The following ULK2 variants were observed in gnomAD, a reference collection of about 807,000 sequenced individuals.
The protein encoded by ULK2 is unc-51 like autophagy activating kinase 2.
ULK2 carries 76 observed loss-of-function variants against 127.5 expected under a neutral mutation model. The ratio of observed to expected loss-of-function variants is 0.60; its 90% CI spans 0.50 to 0.72. The LOEUF is 0.72. Ranked by LOEUF, ULK2 falls within the 30% of genes least tolerant of loss-of-function variation. ULK2 has a pLI of 0.00. For synonymous variants in ULK2, 452 were observed against 461.9 expected (o/e 0.98, Z 0.28); for missense variants, 1,144 against 1,295.9 (o/e 0.88, Z 1.80).
chr17:19,793,064 TCA>T (rs1453992003), intron 20 of ULK2, among the ~76,000 whole-genome samples: 3 of 152,290 alleles, frequency 2.0e-5, no homozygotes, highest in South Asian at 4.1e-4. Context: ...TTTAATTGAC[TCA>T]CAGTTAAGAA....
At chr17:19,844,087 T>C (rs185383487) in intron 7 of ULK2, among the ~76,000 whole-genome samples, 4 of 152,294 alleles carry the variant, frequency 2.6e-5, no homozygotes, top group African/African-American at 7.2e-5. Context: ...AATACTTTTA[T>C]AGTAATAGAA....
intron 12 of ULK2, among the ~76,000 whole-genome samples, chr17:19,824,169 G>T (rs553594790): frequency 6.6e-6 from 1 of 152,274 alleles, no homozygotes; most frequent in South Asian, 2.1e-4. Context: ...TCAAGAAATT[G>T]ATGTCTGGGG....
At chr17:19,789,485 T>C (rs189069331) in intron 20 of ULK2, among the ~76,000 whole-genome samples, 1 of 152,228 alleles carries the variant, frequency 6.6e-6, no homozygotes, top group Admixed American at 6.5e-5. Context: ...AACATGTCAA[T>C]GCCCAGACAC....
In ULK2 at chr17:19,801,758, G is replaced by T; in HGVS notation, c.1441+19C>A. On this transcript the variant is annotated intron_variant, in intron 16 of 26. Transcript: ENST00000395544. ...AGTGAAAAAAAGGTTGAAAACAACT[G>T]TTTTTAAACTCTACTTACCCAAAGG... The T allele has an allele frequency of 6.2e-7, 1 of 1,609,110 alleles. No individual in the cohort carries two copies. Among genetic ancestry groups the T allele is most frequent in the African/African-American group, 1.3e-5 (1 of 74,660 alleles).
chr17:19,830,978 G>A (rs1229969504), intron 10 of ULK2, among the ~76,000 whole-genome samples: 3 of 145,590 alleles, frequency 2.1e-5, no homozygotes, highest in African/African-American at 5.1e-5. Flanking sequence ...AGTGAGCCAC[G>A]ATTGCTCCAC....
chr17:19,822,957 A>AT (rs1162395218), intron 12 of ULK2, among the ~76,000 whole-genome samples: 1 of 149,770 alleles, frequency 6.7e-6, no homozygotes, highest in Non-Finnish European at 1.5e-5. Flanking sequence ...AAGTGCTAGG[A>AT]TTACAGGCGT....
intron 12 of ULK2, among the ~76,000 whole-genome samples, chr17:19,821,768 G>A (rs1236621823): frequency 6.6e-6 from 1 of 151,996 alleles, no homozygotes; most frequent in Non-Finnish European, 1.5e-5. Flanking sequence ...TTTGAGACAG[G>A]GTCTCTCTGT....
At chr17:19,804,864 C>G (rs1281603949) in intron 14 of ULK2, 34 bp from the exon 15 acceptor site, 3 of 1,603,774 alleles carry the variant, frequency 1.9e-6, no homozygotes, top group Non-Finnish European at 2.6e-6. Context: ...AGGAAAGAAA[C>G]AGTGGTAGGA....
chr17:19,793,621 G>A (rs1357616730), intron 20 of ULK2, among the ~76,000 whole-genome samples: 2 of 152,136 alleles, frequency 1.3e-5, no homozygotes, highest in African/African-American at 4.8e-5. Context: ...AAGAAGGAGT[G>A]TATAGGGAAA....
intron 12 of ULK2, among the ~76,000 whole-genome samples, chr17:19,818,104 C>T (rs1423914180): frequency 6.6e-6 from 1 of 151,960 alleles, no homozygotes; most frequent in Non-Finnish European, 1.5e-5. Context: ...GGGCAGATCA[C>T]GAGGTCAGGA....
chr17:19,788,531 G>A (rs2087084286), intron 20 of ULK2, among the ~76,000 whole-genome samples: 2 of 151,920 alleles, frequency 1.3e-5, no homozygotes, highest in South Asian at 2.1e-4. Flanking sequence ...CCTGCTGACT[G>A]AAGAGTCCTC....
rs1250919547 is a variant in ULK2 at position 19,826,132 on chromosome 17, TACTC to T, written c.835+3_835+6del. 1 of 1,437,142 alleles carries T rather than the reference TACTC, an allele frequency of 7.0e-7. No individual in the cohort carries two copies. Among genetic ancestry groups the T allele is most frequent in the Non-Finnish European group, 9.2e-7 (1 of 1,081,164 alleles). 89.0% of individuals were successfully genotyped at this position (1,437,142 alleles called of 1,614,324 possible). ...TTTAAGTGAAAATACAAAAAATGGA[TACTC>T]ACATTTTTTTACTGGACCTTGCTCA... is the stretch of plus-strand genomic sequence containing the variant. On this transcript the variant is annotated splice_donor_5th_base_variant and intron_variant, in intron 11 of 26. Coordinates refer to ENST00000395544, the MANE Select transcript of ULK2 (RefSeq NM_014683.4).
At chr17:19,842,427 C>G (rs920682777) in intron 8 of ULK2, among the ~76,000 whole-genome samples, 2 of 151,890 alleles carry the variant, frequency 1.3e-5, no homozygotes, top group Admixed American at 6.6e-5. Context: ...GAACTCCCGA[C>G]CTCAGGTGAT....
rs556962801 is a variant in ULK2, at chr17:19,833,790, T to C, written c.787+4711A>G. ...GAAAAACTCAAAGGAAAAAACAATATGGAAAAATGAACAGACTCAGCTGTG... is the reference window on the plus strand; with the variant it reads ...GAAAAACTCAAAGGAAAAAACAATACGGAAAAATGAACAGACTCAGCTGTG... On this transcript the variant is annotated intron_variant, in intron 10 of 26. Transcript: ENST00000395544. 1.5e-3 allele frequency among the ~76,000 whole-genome samples: 224 copies of C among 151,848 alleles called. 1 individual carries two copies. The highest frequency in any genetic ancestry group is 5.1e-3 in the African/African-American group (212 of 41,402).
intron 10 of ULK2, among the ~76,000 whole-genome samples, chr17:19,829,531 T>C (rs1307002644): frequency 3.2e-5 from 2 of 63,336 alleles, no homozygotes; most frequent in African/African-American, 6.4e-5. Flanking sequence ...GATGAGACCC[T>C]GTCAAGGAAA....
At chr17:19,830,362 A>G (rs1278321172) in intron 10 of ULK2, among the ~76,000 whole-genome samples, 4 of 152,158 alleles carry the variant, frequency 2.6e-5, no homozygotes, top group Admixed American at 1.3e-4. Flanking sequence ...CACTACACCC[A>G]GCTAATTTTT....
In ULK2 at chr17:19,825,122, G is replaced by A; in HGVS notation, c.896C>T (p.Ser299Phe). The A allele has an allele frequency of 6.2e-7, 1 of 1,614,196 alleles. No homozygotes were observed. Among genetic ancestry groups the A allele is most frequent in the Non-Finnish European group, 8.5e-7 (1 of 1,180,038 alleles). The change falls in exon 12 of 27, where the codon TCT (serine) becomes TTT (phenylalanine). Residue 299 changes from serine (S) to phenylalanine (F), a missense_variant. Ser to Phe is a radical substitution (Grantham distance 155, BLOSUM62 -2). This residue lies in a region of ULK2 where 913 missense variants were observed against 970.5 expected (regional missense o/e 0.94). Coordinates refer to ENST00000395544, the MANE Select transcript of ULK2 (RefSeq NM_014683.4). ...GSVSGSSCGS[S>F]PSCRFASPPS... ...TGGAGAAGCAAAACGACAAGATGGA[G>A]AGCTGCCACAGGAGCTTCCAGAGAC...
chr17:19,850,026 A>C (rs905178094), intron 3 of ULK2, among the ~76,000 whole-genome samples: 2 of 152,186 alleles, frequency 1.3e-5, no homozygotes, highest in Admixed American at 1.3e-4. Context: ...TAACTAGAGA[A>C]AGATTCATCT....
chr17:19,777,561 T>C lies in ULK2; in HGVS notation c.3052+20A>G. The stretch of plus-strand genomic sequence containing the variant: ...ACTAAAATGAAGTAAAAAAATACAC[T>C]ACTTTGTAAGTCAACTTACATTTAT... On this transcript the variant is annotated intron_variant, in intron 26 of 26. Coordinates refer to ENST00000395544, the MANE Select transcript of ULK2 (RefSeq NM_014683.4). 1 of 1,589,688 alleles carries C rather than the reference T, an allele frequency of 6.3e-7. No homozygotes were observed. The highest frequency in any genetic ancestry group is 8.5e-7 in the Non-Finnish European group (1 of 1,170,888).
Sources: allele counts gnomAD v4.1 joint callset (sites outside exome capture counted in the v4.1 genomes callset), GRCh38; gene constraint gnomAD v4.1.1; regional missense constraint gnomAD v4.1.1; transcripts MANE v1.5; gene names NCBI Gene and HGNC (gene_info 2026-07-23, HGNC 2026-07-21).